HACD1: variants seen among roughly 807,000 people sequenced by gnomAD.
HACD1 encodes very-long-chain (3R)-3-hydroxyacyl-CoA dehydratase 1.
A neutral mutation model predicts 32.0 loss-of-function variants in HACD1; 41 were observed. The observed-to-expected ratio is 1.28, with a 90% CI of 1.00 to 1.66. HACD1 has a LOEUF of 1.66. Among genes scored for constraint, HACD1 ranks in the 40% most tolerant of loss-of-function variants. HACD1 has a pLI of 0.00. For synonymous variants in HACD1, 142 were observed against 139.0 expected, an observed-to-expected ratio of 1.02 and a Z score of -0.15; for missense variants, 396 against 380.1, an observed-to-expected ratio of 1.04 and a Z score of -0.35.
chr10:17,613,816 TGGGAATA>T (rs1554817751), intron 1 of HACD1, among the ~76,000 whole-genome samples: 1 of 152,106 alleles, frequency 6.6e-6, no homozygotes, highest in African/African-American at 2.4e-5. Flanking sequence ...TTAGAAGTCA[TGGGAATA>T]ACAGGAGAAC....
chr10:17,608,104 G>A (rs1554817192), intron 1 of HACD1, among the ~76,000 whole-genome samples: 1 of 152,098 alleles, frequency 6.6e-6, no homozygotes, highest in African/African-American at 2.4e-5. Flanking sequence ...TGGGTTCCCA[G>A]GCTTCAGCAA....
At chr10:17,595,711 A>G (rs1311557817) in intron 5 of HACD1, among the ~76,000 whole-genome samples, 6 of 150,220 alleles carry the variant, frequency 4.0e-5, no homozygotes, top group Non-Finnish European at 8.9e-5. Context: ...TTCTTCATTA[A>G]AAAAAAAAAT....
chr10:17,612,407 C>T (rs1832997745), intron 1 of HACD1, among the ~76,000 whole-genome samples: 1 of 152,174 alleles, frequency 6.6e-6, no homozygotes, highest in South Asian at 2.1e-4. Context: ...TTCACTCATT[C>T]ATTCATTCAA....
At chr10:17,591,976 A>AATTTTTTTTTTTTTTT (rs1833933560) in intron 6 of HACD1, among the ~76,000 whole-genome samples, 12 of 96,954 alleles carry the variant, frequency 1.2e-4, no homozygotes, top group African/African-American at 4.0e-4. Flanking sequence ...CCAGCTACTG[A>AATTTTTTTTTTTTTTT]TTTTTTTTTT....
At chr10:17,597,179 C>T (rs782441324) in intron 5 of HACD1, among the ~76,000 whole-genome samples, 3 of 152,148 alleles carry the variant, frequency 2.0e-5, no homozygotes, top group African/African-American at 7.2e-5. Flanking sequence ...GACAGAGTCA[C>T]GCTGTGTCAC....
intron 4 of HACD1, among the ~76,000 whole-genome samples, chr10:17,600,770 C>T (rs147666661): frequency 9.1e-4 from 138 of 152,324 alleles, no homozygotes; most frequent in African/African-American, 3.1e-3. Flanking sequence ...GCACTCCCTA[C>T]GTCAGACTAA....
chr10:17,595,993 AT>A (rs1482852203), intron 5 of HACD1, among the ~76,000 whole-genome samples: 3 of 152,196 alleles, frequency 2.0e-5, no homozygotes, highest in East Asian at 1.9e-4. Context: ...CTCAAAAAAA[AT>A]AAATTTAATT....
In HACD1 at chr10:17,617,184, G is replaced by C; in HGVS notation, c.156C>G (p.Ala52=). 1 of 1,503,588 alleles carries C rather than the reference G, an allele frequency of 6.7e-7. No homozygotes were observed. Among genetic ancestry groups the C allele is most frequent in the Non-Finnish European group, 8.8e-7 (1 of 1,130,994 alleles). The allele number at this position is 1,503,588 out of a possible 1,614,324, so 93.1% of individuals were successfully genotyped here. Residue 52 remains alanine, a synonymous_variant, in exon 1 of 7, where the codon GCC becomes GCG. Coordinates refer to ENST00000361271, the MANE Select transcript of HACD1 (RefSeq NM_014241.4). ...CCTCCCGGTCCTCGCCGGCCTCCGA[G>C]GCGCCGCCGTTGGTGCCGTCCTCGT... ...SSDEDGTNGG[A]SEAGEDREAP...
intron 5 of HACD1, among the ~76,000 whole-genome samples, chr10:17,596,241 A>C (rs1354725882): frequency 6.6e-6 from 1 of 152,216 alleles, no homozygotes; most frequent in Admixed American, 6.5e-5. Flanking sequence ...TTATTTGCCA[A>C]AATAGATGAG....
chr10:17,603,378 T>G, intron 4 of HACD1, 182 bp downstream of exon 4: 1 of 537,092 alleles, frequency 1.9e-6, no homozygotes, highest in Non-Finnish European at 3.2e-6. Flanking sequence ...TTTGGGTTTG[T>G]TTGTGTATCA....
chr10:17,608,147 C>T (rs975722255), intron 1 of HACD1, among the ~76,000 whole-genome samples: 1 of 152,026 alleles, frequency 6.6e-6, no homozygotes, highest in African/African-American at 2.4e-5. Flanking sequence ...GTAGCTGGGA[C>T]CACAGGGGTG....
intron 1 of HACD1, among the ~76,000 whole-genome samples, chr10:17,611,136 G>C (rs553467278): frequency 1.3e-3 from 192 of 151,972 alleles, no homozygotes; most frequent in African/African-American, 4.3e-3. Flanking sequence ...GAGTAGCTGG[G>C]ACTACAGGTG....
At chr10:17,603,372 G>C in intron 4 of HACD1, 188 bp downstream of exon 4, 2 of 518,012 alleles carry the variant, frequency 3.9e-6, no homozygotes, top group Non-Finnish European at 6.8e-6. Flanking sequence ...CCAATATTTG[G>C]GTTTGTTTGT....
At position 17,589,734 on chromosome 10, in the gene HACD1, A is replaced by C. The variant is rs1487645196; in HGVS notation, c.*630T>G. ...TAAATAAAAAGCAGATTTCCTTAGC[A>C]GTATAAGTAATTTCAGCTGCCTAGA... On this transcript the variant is annotated 3_prime_UTR_variant, in exon 7 of 7. Transcript: ENST00000361271. 6.6e-6 allele frequency: 1 copy of C among 152,242 alleles called. No homozygotes were observed. Among genetic ancestry groups the C allele is most frequent in the African/African-American group, 2.4e-5 (1 of 41,452 alleles). The allele number at this position is 152,242 out of a possible 1,614,324, so 9.4% of individuals were successfully genotyped here. A position where few individuals can be genotyped will look rare whatever the true frequency, so the allele number is the denominator to read the frequency against.
rs41310219 is a variant in HACD1 at position 17,589,929 on chromosome 10, G to T, written c.*435C>A. The T allele has an allele frequency of 0.03, 4,617 of 152,074 alleles. 94 individuals carry two copies. The highest frequency in any genetic ancestry group is 0.12 in the Middle Eastern group (35 of 294). The allele number at this position is 152,074 out of a possible 1,614,324, so 9.4% of individuals were successfully genotyped here. A position where few individuals can be genotyped will look rare whatever the true frequency, so the allele number is the denominator to read the frequency against. Reference sequence around the variant, plus strand: ...TTATTCCTGAAAAAATAGATTGTGGGTTCAAAAATACCAATACATTATTAA... The same window carrying T: ...TTATTCCTGAAAAAATAGATTGTGGTTTCAAAAATACCAATACATTATTAA... On this transcript the variant is annotated 3_prime_UTR_variant, in exon 7 of 7. Coordinates refer to ENST00000361271, the MANE Select transcript of HACD1 (RefSeq NM_014241.4).
chr10:17,606,577 C>T (rs569216019), intron 1 of HACD1, among the ~76,000 whole-genome samples: 1 of 152,306 alleles, frequency 6.6e-6, no homozygotes, highest in African/African-American at 2.4e-5. Context: ...AACACTCATA[C>T]AGTGGACAAA....
chr10:17,606,384 T>A lies in HACD1; in HGVS notation c.258-2337A>T, dbSNP rs114992831. Among the ~76,000 whole-genome samples, 776 of 152,338 alleles carry A rather than the reference T, an allele frequency of 5.1e-3. 5 individuals are homozygous for A. The highest frequency in any genetic ancestry group is 0.017 in the African/African-American group (722 of 41,570). On this transcript the variant is annotated intron_variant, in intron 1 of 6. Transcript: ENST00000361271. Reference sequence around the variant, plus strand: ...AAGTTTATTTTTTTCCAGTTTCCCCTGCAATTCCAAAAGCACGTTTAAGTT... The same window carrying A: ...AAGTTTATTTTTTTCCAGTTTCCCCAGCAATTCCAAAAGCACGTTTAAGTT...
At chr10:17,594,760 C>T (rs1169656845) in intron 5 of HACD1, among the ~76,000 whole-genome samples, 3 of 152,082 alleles carry the variant, frequency 2.0e-5, no homozygotes, top group African/African-American at 7.2e-5. Flanking sequence ...CAACCTCCAC[C>T]TCCTGGGTTC....
intron 1 of HACD1, among the ~76,000 whole-genome samples, chr10:17,608,304 C>T (rs997107641): frequency 2.6e-5 from 4 of 150,992 alleles, no homozygotes; most frequent in Admixed American, 1.3e-4. Context: ...ATGGGATTAC[C>T]GGTGTGAGCC....
Sources: gnomAD v4.1 joint callset for allele counts (sites outside exome capture counted in the v4.1 genomes callset) on GRCh38, gnomAD v4.1.1 for gene constraint, MANE v1.5 for transcripts, NCBI Gene and HGNC (gene_info 2026-07-23, HGNC 2026-07-21) for gene names.